The following SLC4A8 variants were observed in gnomAD, a reference collection of about 807,000 sequenced individuals.
SLC4A8 encodes the protein electroneutral sodium bicarbonate exchanger 1.
A neutral mutation model predicts 125.0 loss-of-function variants in SLC4A8; 40 were observed. The ratio of observed to expected loss-of-function variants is 0.32; its 90% CI spans 0.25 to 0.42. The LOEUF (loss-of-function observed/expected upper bound fraction) is 0.42, where lower values mean the gene tolerates loss of function less well. Among genes scored for constraint, SLC4A8 ranks in the 10% least tolerant of loss-of-function variants. The pLI is 1.00. For missense variants in SLC4A8, 863 were observed against 1,355.1 expected (o/e 0.64, Z 5.70); for synonymous variants, 456 against 476.0 (o/e 0.96, Z 0.55).
intron 1 of SLC4A8, among the ~76,000 whole-genome samples, chr12:51,413,406 CT>C (rs1948628590): frequency 6.6e-6 from 1 of 152,126 alleles, no homozygotes; most frequent in African/African-American, 2.4e-5. Context: ...AGTGAAAGAG[CT>C]TTTTACTTTA....
chr12:51,441,236 A>G (rs1291210799), intron 2 of SLC4A8: 7 of 977,492 alleles, frequency 7.2e-6, no homozygotes, highest in Admixed American at 6.2e-5. Flanking sequence ...TTTCTATTCT[A>G]TTTATACCCA....
intron 7 of SLC4A8, 102 bp from the exon 8 acceptor site, chr12:51,459,849 A>G: frequency 1.0e-6 from 1 of 953,904 alleles, no homozygotes. Flanking sequence ...AGAGTGGGTG[A>G]TGTAGTGAGA....
At position 51,460,044 on chromosome 12, in the gene SLC4A8, G is replaced by A; in HGVS notation, c.949G>A (p.Ala317Thr). The A allele has an allele frequency of 6.2e-7, 1 of 1,613,762 alleles. No homozygotes were observed. The highest frequency in any genetic ancestry group is 8.5e-7 in the Non-Finnish European group (1 of 1,179,686). The change falls in exon 8 of 25, where the codon GCC becomes ACC. Residue 317 changes from alanine to threonine, a missense_variant. Ala to Thr is a moderately conservative substitution (Grantham distance 58, BLOSUM62 0). Coordinates refer to ENST00000453097, the MANE Select transcript of SLC4A8 (RefSeq NM_001039960.3). ...EVDILDRPIVAFVRLSPAVLL... is the reference protein window; with the variant it reads ...EVDILDRPIVTFVRLSPAVLL... ...GGATATTTTGGACCGTCCCATTGTT[G>A]CCTTTGTGAGGCTGTCTCCAGCTGT...
chr12:51,513,693 T>A lies in SLC4A8; in HGVS notation c.*6255T>A, dbSNP rs1199703525. 1 of 152,270 alleles carries A rather than the reference T, an allele frequency of 6.6e-6. No homozygotes were observed. Among genetic ancestry groups the A allele is most frequent in the Non-Finnish European group, 1.5e-5 (1 of 68,094 alleles). The allele number at this position is 152,270 out of a possible 1,614,324, so 9.4% of individuals were successfully genotyped here. A position where few individuals can be genotyped will look rare whatever the true frequency, so the allele number is the denominator to read the frequency against. Reference sequence around the variant, plus strand: ...TGGTCTTGATCTCTTGACCTCATGATCCACCCGCCTTGGCCTCCCAAAGTG... The same window carrying A: ...TGGTCTTGATCTCTTGACCTCATGAACCACCCGCCTTGGCCTCCCAAAGTG... On this transcript the variant is annotated 3_prime_UTR_variant, in exon 25 of 25. Coordinates refer to ENST00000453097, the MANE Select transcript of SLC4A8 (RefSeq NM_001039960.3).
At chr12:51,418,984 A>G (rs1429045206) in intron 1 of SLC4A8, among the ~76,000 whole-genome samples, 2 of 152,198 alleles carry the variant, frequency 1.3e-5, no homozygotes, top group Non-Finnish European at 2.9e-5. Flanking sequence ...AACAGAGGAG[A>G]AACCCTGGGC....
At chr12:51,472,601 A>G (rs1262881058) in intron 14 of SLC4A8, among the ~76,000 whole-genome samples, 1 of 152,104 alleles carries the variant, frequency 6.6e-6, no homozygotes, top group African/African-American at 2.4e-5. Context: ...TTTATTGAGC[A>G]CCTATTATGT....
chr12:51,413,246 G>A (rs1401770836), intron 1 of SLC4A8, among the ~76,000 whole-genome samples: 2 of 151,974 alleles, frequency 1.3e-5, no homozygotes, highest in Admixed American at 1.3e-4. Context: ...CAGATCCTTT[G>A]TCCATTTTTT....
At chr12:51,504,153 T>C (rs1938063887) in intron 23 of SLC4A8, 33 bp downstream of exon 23, 1 of 1,288,596 alleles carries the variant, frequency 7.8e-7, no homozygotes, top group African/African-American at 1.5e-5. Context: ...AGTTTACTTT[T>C]GGGTTATTCT....
chr12:51,467,651 G>A (rs914793899), intron 11 of SLC4A8, among the ~76,000 whole-genome samples: 5 of 152,116 alleles, frequency 3.3e-5, no homozygotes, highest in African/African-American at 1.2e-4. Context: ...TTTAAAAATA[G>A]CTTTTTATTA....
At position 51,399,766 on chromosome 12, in the gene SLC4A8, G is replaced by A. The variant is rs1461662607; in HGVS notation, c.-112+8278G>A. The stretch of plus-strand genomic sequence containing the variant: ...TGGAAGGCTGAGGCAGGCAGATCAC[G>A]AGGTCAGGAGATTGAGATCATCTTG... On this transcript the variant is annotated intron_variant, in intron 1 of 24. Coordinates refer to the SLC4A8 transcript ENST00000358657. 9.2e-5 allele frequency among the ~76,000 whole-genome samples: 14 copies of A among 152,226 alleles called. No homozygotes were observed. In the East Asian group the frequency reaches 1.4e-3, roughly 15 times the overall value.
rs980135511 is a variant in SLC4A8 at position 51,513,371 on chromosome 12, G to A, written c.*5933G>A. 2 of 152,188 alleles carry A rather than the reference G, an allele frequency of 1.3e-5. No individual in the cohort carries two copies. Among genetic ancestry groups the A allele is most frequent in the Non-Finnish European group, 2.9e-5 (2 of 68,046 alleles). The allele number at this position is 152,188 out of a possible 1,614,324, so 9.4% of individuals were successfully genotyped here. Reference sequence around the variant, plus strand: ...TGTAGAGACCTGGATTTGGGGTAGTGGGGTAGTAAACCATATATTTCCAAA... The same window carrying A: ...TGTAGAGACCTGGATTTGGGGTAGTAGGGTAGTAAACCATATATTTCCAAA... On this transcript the variant is annotated 3_prime_UTR_variant, in exon 25 of 25. Transcript: ENST00000453097.
At chr12:51,449,447 A>AC (rs1158464475) in intron 2 of SLC4A8, among the ~76,000 whole-genome samples, 1 of 151,780 alleles carries the variant, frequency 6.6e-6, no homozygotes, top group Non-Finnish European at 1.5e-5. Flanking sequence ...AAAAAAAAAA[A>AC]ACTGATGCAA....
chr12:51,426,169 A>C (rs541356994), intron 1 of SLC4A8, among the ~76,000 whole-genome samples: 2 of 152,304 alleles, frequency 1.3e-5, no homozygotes, highest in South Asian at 4.1e-4. Context: ...CAACAAAATG[A>C]GTATCAGACA....
chr12:51,430,377 G>A (rs868056023), intron 1 of SLC4A8, among the ~76,000 whole-genome samples: 5 of 151,938 alleles, frequency 3.3e-5, no homozygotes, highest in African/African-American at 1.2e-4. Context: ...CTTTTCTGAG[G>A]GTCATAGCCA....
intron 1 of SLC4A8, among the ~76,000 whole-genome samples, chr12:51,440,019 TC>T (rs1246504294): frequency 6.6e-6 from 1 of 152,174 alleles, no homozygotes. Flanking sequence ...GAGAGCTCTT[TC>T]TTGGAAATTA....
Position 51,463,728 on chromosome 12 carries a change from C to T in SLC4A8, c.1349+14C>T, listed in dbSNP as rs780921111. ...GCGCACTGGGCGGTAAGTCCTGGGA[C>T]GTTTCACAGCGATGCTGCTTATTGG... On this transcript the variant is annotated intron_variant, in intron 11 of 24. Transcript: ENST00000453097. 4.5e-6 allele frequency: 7 copies of T among 1,557,884 alleles called. No individual in the cohort carries two copies. The highest frequency in any genetic ancestry group is 6.2e-6 in the Non-Finnish European group (7 of 1,130,324).
At chr12:51,444,865 A>G (rs1266636052) in intron 2 of SLC4A8, among the ~76,000 whole-genome samples, 1 of 152,228 alleles carries the variant, frequency 6.6e-6, no homozygotes, top group Non-Finnish European at 1.5e-5. Flanking sequence ...TCTAATATCC[A>G]ATCACTGCCT....
chr12:51,458,520 G>A (rs1950224997), intron 6 of SLC4A8, 39 bp from the exon 7 acceptor site: 2 of 1,434,098 alleles, frequency 1.4e-6, no homozygotes, highest in Admixed American at 1.7e-5. Flanking sequence ...AGGGGAAAAG[G>A]GCAGGGACTC....
At chr12:51,424,066 C>CAAAA (rs60139804), upstream of SLC4A8, among the ~76,000 whole-genome samples, 66 of 106,232 alleles carry the variant, frequency 6.2e-4, 2 homozygotes, top group African/African-American at 1.9e-3. Context: ...AAAAAAACAA[C>CAAAA]AAAAAAAAAA....
Sources: gnomAD v4.1 joint callset for allele counts (sites outside exome capture counted in the v4.1 genomes callset) on GRCh38, gnomAD v4.1.1 for gene constraint, MANE v1.5 for transcripts, NCBI Gene and HGNC (gene_info 2026-07-23, HGNC 2026-07-21) for gene names.